The following GAK variants were observed in gnomAD, a reference collection of about 807,000 sequenced individuals.
GAK encodes cyclin G associated kinase.
GAK carries 79 observed loss-of-function variants against 143.9 expected under a neutral mutation model. That is an observed-to-expected ratio of 0.55 (90% CI 0.46 to 0.66). GAK has a LOEUF of 0.66. GAK is among the 30% of genes least tolerant of loss of function. GAK has a pLI of 0.00. For missense variants in GAK, 1,693 were observed against 1,779.7 expected, an observed-to-expected ratio of 0.95 and a Z score of 0.88; for synonymous variants, 881 against 765.5, an observed-to-expected ratio of 1.15 and a Z score of -2.49.
At position 865,200 on chromosome 4, in the gene GAK, T is replaced by C. The variant is rs932752381; in HGVS notation, c.3088A>G (p.Asn1030Asp). 7 of 1,613,332 alleles carry C rather than the reference T, an allele frequency of 4.3e-6. No individual in the cohort carries two copies. Among genetic ancestry groups the C allele is most frequent in the Non-Finnish European group, 5.9e-6 (7 of 1,179,876 alleles). Reference sequence around the variant, plus strand: ...GCCCATCCTCCCAGCAGGTCTGGGTTGCTGGACGAGGCTGTCATCTTGCTG... The same window carrying C: ...GCCCATCCTCCCAGCAGGTCTGGGTCGCTGGACGAGGCTGTCATCTTGCTG... ...EPSKMTASSSNPDLLGGWAAW... is the reference protein window; with the variant it reads ...EPSKMTASSSDPDLLGGWAAW... The change falls in exon 23 of 28, where the codon AAC becomes GAC. Residue 1030 changes from asparagine to aspartate, a missense_variant. Coordinates refer to ENST00000314167, the MANE Select transcript of GAK (RefSeq NM_005255.4).
In GAK at chr4:893,389, A is replaced by G; in HGVS notation, c.978T>C (p.Ser326=). The G allele has an allele frequency of 6.3e-7, 1 of 1,575,748 alleles. No individual in the cohort carries two copies. Among genetic ancestry groups the G allele is most frequent in the Non-Finnish European group, 8.6e-7 (1 of 1,160,608 alleles). ...IAAARNVNPK[S]PITELLEQNG... is the part of the protein sequence containing the mutation. ...GTGCCTCCCTCACCTCTGTGATGGGAGACTTGGGGTTCACGTTGCGGGCGG... is the reference window on the plus strand; with the variant it reads ...GTGCCTCCCTCACCTCTGTGATGGGGGACTTGGGGTTCACGTTGCGGGCGG... Residue 326 remains serine (S), a synonymous_variant, in exon 9 of 28, where the codon TCT becomes TCC. Coordinates refer to ENST00000314167, the MANE Select transcript of GAK (RefSeq NM_005255.4).
At chr4:909,003 C>T (rs541929131) in intron 4 of GAK, among the ~76,000 whole-genome samples, 2 of 152,228 alleles carry the variant, frequency 1.3e-5, no homozygotes, top group South Asian at 4.1e-4. Context: ...CCATGCCTGG[C>T]TAATTTTTGT....
At chr4:887,848 T>C (rs1420681670) in intron 11 of GAK, 4 of 152,364 alleles carry the variant, frequency 2.6e-5, no homozygotes, top group Non-Finnish European at 4.4e-5. Context: ...CCAGCACACA[T>C]GCTCATACCA....
chr4:911,928 G>T, intron 3 of GAK, 141 bp from the exon 4 acceptor site: 4 of 639,528 alleles, frequency 6.3e-6, no homozygotes, highest in Non-Finnish European at 1.1e-5. Context: ...CAGAGCGGAA[G>T]ATGAGGGAGA....
At chr4:856,570 C>CCACAGCTGCTCACCACCACAGGTGCT (rs1560281597) in intron 24 of GAK, among the ~76,000 whole-genome samples, 12 of 90,428 alleles carry the variant, frequency 1.3e-4, no homozygotes, top group Non-Finnish European at 2.1e-4. Context: ...CAGCTGCTCA[C>CCACAGCTGCTCACCACCACAGGTGCT]CACAGCTGCT....
At chr4:903,099 GGCA>G (rs1720248737) in intron 5 of GAK, among the ~76,000 whole-genome samples, 1 of 150,268 alleles carries the variant, frequency 6.7e-6, no homozygotes, top group Non-Finnish European at 1.5e-5. Flanking sequence ...GCGCAGTGCC[GGCA>G]GCAGCACGGA....
intron 1 of GAK, among the ~76,000 whole-genome samples, chr4:924,570 G>T (rs899385): frequency 6.6e-6 from 1 of 152,166 alleles, no homozygotes; most frequent in African/African-American, 2.4e-5. Flanking sequence ...CAGCGGACAC[G>T]GTTTGGATCT....
At chr4:924,626 AT>A (rs1724409712) in intron 1 of GAK, among the ~76,000 whole-genome samples, 1 of 152,184 alleles carries the variant, frequency 6.6e-6, no homozygotes, top group African/African-American at 2.4e-5. Flanking sequence ...CCCCATGCAA[AT>A]CTCATGTTCA....
chr4:922,315 G>C (rs1321978330), intron 1 of GAK, among the ~76,000 whole-genome samples: 5 of 152,014 alleles, frequency 3.3e-5, no homozygotes, highest in Non-Finnish European at 7.4e-5. Flanking sequence ...GTGAGTTTGA[G>C]ACCAACCTGG....
chr4:925,020 C>T (rs1424443568), intron 1 of GAK, among the ~76,000 whole-genome samples: 1 of 152,094 alleles, frequency 6.6e-6, no homozygotes, highest in Non-Finnish European at 1.5e-5. Context: ...TGAGATCACA[C>T]CCCTGTACTA....
chr4:849,754 C>T lies in GAK; in HGVS notation c.3855G>A (p.Glu1285=). The part of the protein sequence containing the change: ...HPDKAAGQPY[E]QHAKMIFMEL... Reference sequence around the variant, plus strand: ...CCATGAAGATCATCTTGGCGTGCTGCTCGTACGGCTGCCCCGCAGCCTATG... The same window carrying T: ...CCATGAAGATCATCTTGGCGTGCTGTTCGTACGGCTGCCCCGCAGCCTATG... Residue 1285 remains glutamate (E), a synonymous_variant, in exon 28 of 28, where the codon GAG becomes GAA. Transcript: ENST00000314167. 6.2e-7 allele frequency: 1 copy of T among 1,613,200 alleles called. No homozygotes were observed. The highest frequency in any genetic ancestry group is 8.5e-7 in the Non-Finnish European group (1 of 1,179,604).
At position 877,200 on chromosome 4, in the gene GAK, T is replaced by TA; in HGVS notation, c.1863dup (p.Lys622Ter). 1.2e-6 allele frequency: 2 copies of TA among 1,609,458 alleles called. No individual in the cohort carries two copies. The highest frequency in any genetic ancestry group is 1.7e-6 in the Non-Finnish European group (2 of 1,175,820). On this transcript the variant is annotated frameshift_variant, in exon 17 of 28. Coordinates refer to ENST00000314167, the MANE Select transcript of GAK (RefSeq NM_005255.4). LOFTEE classifies it high-confidence loss of function. Reference sequence around the variant, plus strand: ...ATCACCGCTTTGCCATCTTCAATCTTAAAGTCCCTAAGGACAGAATGACAA... The same window carrying TA: ...ATCACCGCTTTGCCATCTTCAATCTTAAAAGTCCCTAAGGACAGAATGACAA...
chr4:849,815 C>CGGGGGCGGGGGGGG, intron 27 of GAK, 41 bp from the exon 28 acceptor site: 1 of 1,493,242 alleles, frequency 6.7e-7, no homozygotes, highest in Non-Finnish European at 9.1e-7. Flanking sequence ...TATAAGCATG[C>CGGGGGCGGGGGGGG]GGGGGCGGGC....
intron 24 of GAK, among the ~76,000 whole-genome samples, chr4:855,411 A>C (rs1241844706): frequency 6.6e-6 from 1 of 152,224 alleles, no homozygotes; most frequent in East Asian, 1.9e-4. Context: ...GTAAACAGAA[A>C]TAGGACAGAT....
chr4:929,857 C>T (rs1248114213), intron 1 of GAK, among the ~76,000 whole-genome samples: 1 of 152,182 alleles, frequency 6.6e-6, no homozygotes, highest in Admixed American at 6.5e-5. Context: ...ATCATAATAA[C>T]CTCATTTGGG....
chr4:885,896 A>T (rs574485045), intron 11 of GAK: 6 of 152,354 alleles, frequency 3.9e-5, no homozygotes, highest in African/African-American at 1.4e-4. Flanking sequence ...GCCCCAGTGT[A>T]GCTGGGACCA....
At chr4:895,939 A>G (rs910581930) in intron 7 of GAK, among the ~76,000 whole-genome samples, 3 of 152,158 alleles carry the variant, frequency 2.0e-5, no homozygotes, top group African/African-American at 4.8e-5. Context: ...GACGCCCCCA[A>G]CTGCTACTCG....
chr4:859,265 C>G (rs185660452), intron 24 of GAK: 2 of 1,238,710 alleles, frequency 1.6e-6, no homozygotes, highest in Non-Finnish European at 2.1e-6. Flanking sequence ...AGCACAGCCT[C>G]GGGGACTGAG....
At chr4:912,154 G>A (rs770580631) in intron 3 of GAK, 6 of 459,670 alleles carry the variant, frequency 1.3e-5, no homozygotes, top group South Asian at 3.1e-5. Context: ...GGCAGCCGGC[G>A]GGCTCTCCGA....
Sources: allele counts gnomAD v4.1 joint callset (sites outside exome capture counted in the v4.1 genomes callset), GRCh38; gene constraint gnomAD v4.1.1; transcripts MANE v1.5; gene names NCBI Gene and HGNC (gene_info 2026-07-23, HGNC 2026-07-21).